The following LINGO2 variants were observed in gnomAD, a reference collection of about 807,000 sequenced individuals.
LINGO2 encodes leucine-rich repeat and immunoglobulin-like domain-containing nogo receptor-interacting protein 2.
In LINGO2, 14 loss-of-function variants were observed where a neutral mutation model predicts 30.6. The observed-to-expected ratio is 0.46, with a 90% CI of 0.30 to 0.72. The LOEUF is 0.72. Among genes scored for constraint, LINGO2 ranks in the 30% least tolerant of loss-of-function variants. The probability of loss-of-function intolerance (pLI) is 0.07; values close to 1 mark genes in which losing one functional copy is unlikely to be tolerated. For missense variants in LINGO2, 729 were observed against 751.7 expected (o/e 0.97, Z 0.35); for synonymous variants, 317 against 288.5 (o/e 1.10, Z -1.00).
intron 1 of LINGO2, among the ~76,000 whole-genome samples, chr9:28,558,962 A>G (rs1822898648): frequency 6.6e-6 from 1 of 152,096 alleles, no homozygotes; most frequent in Admixed American, 6.6e-5. Flanking sequence ...TTTAGAGAAA[A>G]AAGTAGTATA....
At chr9:29,133,589 T>C in the LINGO2 span, among the ~76,000 whole-genome samples, 1 of 152,150 alleles carries the variant, frequency 6.6e-6, no homozygotes, top group Non-Finnish European at 1.5e-5. Context: ...CCCTAGTCCA[T>C]CATTTTTTTT....
At chr9:28,802,694 A>G in the LINGO2 span, among the ~76,000 whole-genome samples, 1 of 152,014 alleles carries the variant, frequency 6.6e-6, no homozygotes, top group South Asian at 2.1e-4. Flanking sequence ...CTTAAAAAAT[A>G]AAAGATTTAA....
At chr9:28,454,684 G>A (rs1422974948) in intron 2 of LINGO2, among the ~76,000 whole-genome samples, 7 of 152,114 alleles carry the variant, frequency 4.6e-5, no homozygotes, top group African/African-American at 1.4e-4. Flanking sequence ...AGATGAAAGT[G>A]TGGGAAGCAA....
chr9:28,030,103 G>C (rs1035176136), intron 4 of LINGO2, among the ~76,000 whole-genome samples: 2 of 152,182 alleles, frequency 1.3e-5, no homozygotes, highest in Non-Finnish European at 2.9e-5. Flanking sequence ...ACTGCAGACA[G>C]TAATTGGCTA....
the LINGO2 span, among the ~76,000 whole-genome samples, chr9:28,776,214 C>T: frequency 3.9e-5 from 6 of 152,160 alleles, no homozygotes; most frequent in African/African-American, 1.2e-4. Flanking sequence ...AATGGTTGAA[C>T]GACCACTTAA....
upstream of LINGO2, chr9:28,670,357 A>C (rs908604659): frequency 5.9e-5 from 9 of 152,080 alleles, no homozygotes; most frequent in African/African-American, 1.9e-4. Context: ...TTAGCTATGA[A>C]ATTTTTATTA....
the LINGO2 span, among the ~76,000 whole-genome samples, chr9:29,184,136 G>A: frequency 2.0e-5 from 3 of 152,220 alleles, no homozygotes; most frequent in Non-Finnish European, 4.4e-5. Context: ...TTGCTCAACT[G>A]TGCTCTGCTG....
At chr9:28,791,400 G>A in the LINGO2 span, among the ~76,000 whole-genome samples, 1 of 151,936 alleles carries the variant, frequency 6.6e-6, no homozygotes, top group East Asian at 1.9e-4. Context: ...ATAAACCACA[G>A]TAATGTACTG....
intron 3 of LINGO2, among the ~76,000 whole-genome samples, chr9:28,299,264 G>A (rs1824045367): frequency 1.3e-5 from 2 of 152,058 alleles, no homozygotes; most frequent in South Asian, 4.1e-4. Context: ...TTGTGTCTAA[G>A]TCACTCATTT....
At chr9:28,087,232 AC>A (rs1825941649) in intron 4 of LINGO2, among the ~76,000 whole-genome samples, 1 of 152,084 alleles carries the variant, frequency 6.6e-6, no homozygotes, top group Admixed American at 6.6e-5. Flanking sequence ...CTGAGCCCAG[AC>A]TAGATTGTTG....
chr9:29,085,200 A>T, the LINGO2 span, among the ~76,000 whole-genome samples: 1 of 145,262 alleles, frequency 6.9e-6, no homozygotes, highest in African/African-American at 2.5e-5. Flanking sequence ...TGTTCCAAAA[A>T]TTCCTCTTAT....
At chr9:28,889,861 A>G in the LINGO2 span, among the ~76,000 whole-genome samples, 4 of 152,104 alleles carry the variant, frequency 2.6e-5, no homozygotes, top group African/African-American at 9.7e-5. Context: ...ACCAGGTGTT[A>G]GTCTTTGCAG....
At chr9:29,091,500 C>T in the LINGO2 span, among the ~76,000 whole-genome samples, 1 of 151,952 alleles carries the variant, frequency 6.6e-6, no homozygotes, top group African/African-American at 2.4e-5. Context: ...TACAACAGCT[C>T]TCAGCCAGCA....
the LINGO2 span, among the ~76,000 whole-genome samples, chr9:28,715,442 A>T: frequency 6.6e-6 from 1 of 152,272 alleles, no homozygotes; most frequent in South Asian, 2.1e-4. Flanking sequence ...TGTATCTAAG[A>T]TTAATTTATT....
the LINGO2 span, among the ~76,000 whole-genome samples, chr9:28,995,221 A>C: frequency 2.6e-5 from 4 of 152,240 alleles, no homozygotes; most frequent in African/African-American, 9.6e-5. Context: ...ACATGAACAG[A>C]CACTTCTCAA....
At chr9:28,795,431 T>C in the LINGO2 span, among the ~76,000 whole-genome samples, 1 of 152,096 alleles carries the variant, frequency 6.6e-6, no homozygotes, top group Non-Finnish European at 1.5e-5. Context: ...TATAACTCCA[T>C]GACAAAAATA....
At chr9:29,016,851 G>C in the LINGO2 span, among the ~76,000 whole-genome samples, 1 of 152,132 alleles carries the variant, frequency 6.6e-6, no homozygotes, top group Non-Finnish European at 1.5e-5. Flanking sequence ...CTACATATAA[G>C]AAGATCATCT....
the LINGO2 span, among the ~76,000 whole-genome samples, chr9:29,093,658 C>T: frequency 2.9e-5 from 4 of 136,118 alleles, 1 homozygote; most frequent in African/African-American, 1.1e-4. Flanking sequence ...CTCCAAGTAT[C>T]TTGATAATAG....
intron 4 of LINGO2, among the ~76,000 whole-genome samples, chr9:28,218,326 A>T (rs1587249936): frequency 6.6e-6 from 1 of 152,016 alleles, no homozygotes; most frequent in Non-Finnish European, 1.5e-5. Flanking sequence ...TGTAAAAGAA[A>T]AATGAGGTCC....
Sources: gnomAD v4.1 joint callset for allele counts (sites outside exome capture counted in the v4.1 genomes callset) on GRCh38, gnomAD v4.1.1 for gene constraint, MANE v1.5 for transcripts, NCBI Gene and HGNC (gene_info 2026-07-23, HGNC 2026-07-21) for gene names.